Variants in CDH22 observed in about 807,000 individuals in gnomAD.
The protein encoded by CDH22 is cadherin 22.
In CDH22, 30 loss-of-function variants were observed where a neutral mutation model predicts 58.4. The ratio of observed to expected loss-of-function variants is 0.51; its 90% CI spans 0.38 to 0.70. CDH22 has a LOEUF of 0.70. Among genes scored for constraint, CDH22 ranks in the 30% least tolerant of loss-of-function variants. The probability of loss-of-function intolerance (pLI) is 0.00; values close to 1 mark genes in which losing one functional copy is unlikely to be tolerated. For missense variants in CDH22, 1,014 were observed against 1,233.9 expected (o/e 0.82, Z 2.67); for synonymous variants, 513 against 558.2 (o/e 0.92, Z 1.14).
At chr20:46,175,151 T>C in intron 11 of CDH22, 74 bp from the exon 12 acceptor site, 3 of 1,393,660 alleles carry the variant, frequency 2.2e-6, no homozygotes, top group Non-Finnish European at 2.9e-6. Flanking sequence ...CTACCCCATC[T>C]CCTCCCGCCT....
rs2085720764 is a variant in CDH22 at position 46,174,551 on chromosome 20, C to T, written c.2442G>A (p.Ala814=). ...SWGPRFRPLA[A]LYAGHRGDDE... is the part of the protein sequence containing the mutation. ...CGTCCCCGCGGTGGCCGGCGTAGAG[C>T]GCGGCCAGGGGCCGGAAGCGCGGAC... is the stretch of plus-strand genomic sequence containing the variant. Residue 814 remains alanine (A), a synonymous_variant, in exon 12 of 12, where the codon GCG becomes GCA. Transcript: ENST00000537909. This position sits in a 1 kb window ranked among gnomAD's most constrained non-coding sequence, Gnocchi z 4.4. 4.6e-6 allele frequency: 7 copies of T among 1,524,656 alleles called. No homozygotes were observed. Among genetic ancestry groups the T allele is most frequent in the Non-Finnish European group, 6.1e-6 (7 of 1,141,816 alleles). The allele number at this position is 1,524,656 out of a possible 1,614,324, so 94.4% of individuals were successfully genotyped here. A position where few individuals can be genotyped will look rare whatever the true frequency, so the allele number is the denominator to read the frequency against.
Position 46,223,666 on chromosome 20 carries a change from CTTCTTTCTTTCT to C in CDH22, c.670+3830_670+3841del, listed in dbSNP as rs369876048. 2.0e-3 allele frequency among the ~76,000 whole-genome samples: 226 copies of C among 115,610 alleles called. 2 individuals carry two copies. The highest frequency in any genetic ancestry group is 6.3e-3 in the South Asian group (20 of 3,190). The allele number at this position is 115,610 out of a possible 152,430, so 75.8% of individuals were successfully genotyped here. A position where few individuals can be genotyped will look rare whatever the true frequency, so the allele number is the denominator to read the frequency against. On this transcript the variant is annotated intron_variant, in intron 4 of 11. Transcript: ENST00000537909. ...CTTTCTTTCTCTTTCTTTTTCTTTC[CTTCTTTCTTTCT>C]TTCTTTCTTTCTTTCTTTCTTTCTT...
At chr20:46,247,729 C>G (rs80153488) in intron 2 of CDH22, among the ~76,000 whole-genome samples, 9,197 of 152,208 alleles carry the variant, frequency 0.06, 831 homozygotes, top group African/African-American at 0.2. Context: ...TGAGCCCACG[C>G]AGTACAGCTC....
chr20:46,186,527 T>C (rs2085826054), intron 10 of CDH22, 61 bp downstream of exon 10: 7 of 1,219,268 alleles, frequency 5.7e-6, no homozygotes, highest in South Asian at 5.1e-5. Flanking sequence ...GTCTATAATA[T>C]GGGAACAGGG....
intron 10 of CDH22, among the ~76,000 whole-genome samples, chr20:46,180,480 G>A (rs1455884656): frequency 6.6e-6 from 1 of 152,204 alleles, no homozygotes. Context: ...CCTTCTGCAG[G>A]GGAAGAAAGG....
intron 3 of CDH22, 98 bp from the exon 4 acceptor site, chr20:46,227,725 TCGGGAGACCTG>T (rs2086189382): frequency 6.7e-7 from 1 of 1,488,486 alleles, no homozygotes; most frequent in Admixed American, 2.1e-5. Flanking sequence ...GAGGAGACCC[TCGGGAGACCTG>T]CGGGAGGCCA....
chr20:46,291,564 G>A (rs1300056202), intron 1 of CDH22, among the ~76,000 whole-genome samples: 2 of 152,178 alleles, frequency 1.3e-5, no homozygotes, highest in Admixed American at 6.5e-5. Flanking sequence ...TTCCTCTGCC[G>A]TCGACATTCA....
At chr20:46,212,096 A>C (rs1192205440) in intron 6 of CDH22, among the ~76,000 whole-genome samples, 1 of 152,216 alleles carries the variant, frequency 6.6e-6, no homozygotes, top group Admixed American at 6.5e-5. Flanking sequence ...CAAGCCCTCA[A>C]TGCCAGGTAA....
intron 3 of CDH22, among the ~76,000 whole-genome samples, chr20:46,232,224 G>T (rs2086224691): frequency 6.6e-6 from 1 of 152,090 alleles, no homozygotes; most frequent in Non-Finnish European, 1.5e-5. Flanking sequence ...CCAGACTCAA[G>T]TTCCAGACCC....
At chr20:46,225,425 A>G (rs144345020) in intron 4 of CDH22, among the ~76,000 whole-genome samples, 3,583 of 152,344 alleles carry the variant, frequency 0.024, 84 homozygotes, top group African/African-American at 0.054. Flanking sequence ...TAATCTTCAA[A>G]ATGTATTGTT....
At chr20:46,254,817 G>A (rs1600718157) in intron 1 of CDH22, among the ~76,000 whole-genome samples, 1 of 152,132 alleles carries the variant, frequency 6.6e-6, no homozygotes, top group Non-Finnish European at 1.5e-5. Context: ...AGAAGGAGCT[G>A]TGCACAAAAT....
chr20:46,213,248 C>T, intron 5 of CDH22, 60 bp from the exon 6 acceptor site: 3 of 1,392,624 alleles, frequency 2.2e-6, no homozygotes, highest in Non-Finnish European at 3.0e-6. Context: ...CCTCTGCCAG[C>T]AGTGGGGGAG....
rs33937889 is a variant in CDH22, at chr20:46,178,586, C to CTTTTTTTTT, written c.1664-398_1664-390dup. The stretch of plus-strand genomic sequence containing the variant: ...GCCAAGGTCCTGTCCCTGGCGTTGT[C>CTTTTTTTTT]TTTTTTTTTTTTTTTTTTTTTGCCA... On this transcript the variant is annotated intron_variant, in intron 10 of 11. Coordinates refer to ENST00000537909, the MANE Select transcript of CDH22 (RefSeq NM_021248.3). Among the ~76,000 whole-genome samples, 318 of 95,324 alleles carry CTTTTTTTTT rather than the reference C, an allele frequency of 3.3e-3. 12 individuals carry two copies. Among genetic ancestry groups the CTTTTTTTTT allele is most frequent in the South Asian group, 0.014 (37 of 2,564 alleles). The allele number at this position is 95,324 out of a possible 152,430, so 62.5% of individuals were successfully genotyped here. A position where few individuals can be genotyped will look rare whatever the true frequency, so the allele number is the denominator to read the frequency against.
intron 3 of CDH22, among the ~76,000 whole-genome samples, chr20:46,233,394 C>T (rs1214377629): frequency 6.6e-6 from 1 of 152,218 alleles, no homozygotes; most frequent in East Asian, 1.9e-4. Flanking sequence ...TCTGTCCTCT[C>T]AACATTTACC....
intron 1 of CDH22, among the ~76,000 whole-genome samples, chr20:46,253,294 A>T (rs1461773781): frequency 6.6e-6 from 1 of 152,116 alleles, no homozygotes; most frequent in Non-Finnish European, 1.5e-5. Flanking sequence ...TCCTCCGGAA[A>T]ATCTTTATGG....
At chr20:46,228,682 C>T (rs908009046) in intron 3 of CDH22, among the ~76,000 whole-genome samples, 2 of 152,058 alleles carry the variant, frequency 1.3e-5, no homozygotes, top group African/African-American at 4.8e-5. Context: ...GTTCAGGATA[C>T]GACCCAAAGG....
intron 8 of CDH22, among the ~76,000 whole-genome samples, chr20:46,196,016 T>C (rs1374291903): frequency 6.6e-6 from 1 of 152,144 alleles, no homozygotes; most frequent in Non-Finnish European, 1.5e-5. Flanking sequence ...CTTCTGTTTT[T>C]GAGGAAGCCA....
intron 1 of CDH22, among the ~76,000 whole-genome samples, chr20:46,267,136 A>C (rs537374042): frequency 1.1e-4 from 17 of 152,198 alleles, no homozygotes; most frequent in African/African-American, 3.9e-4. Flanking sequence ...CTTGTCCAAG[A>C]TTACAGCCAG....
At chr20:46,215,032 G>A (rs946688123) in intron 5 of CDH22, among the ~76,000 whole-genome samples, 1 of 152,240 alleles carries the variant, frequency 6.6e-6, no homozygotes, top group Non-Finnish European at 1.5e-5. Context: ...ATCAAAGAAC[G>A]TGACAGTACC....
Sources: gnomAD v4.1 joint callset for allele counts (sites outside exome capture counted in the v4.1 genomes callset) on GRCh38, gnomAD v4.1.1 for gene constraint, Gnocchi (gnomAD v3.1) non-coding constraint, MANE v1.5 for transcripts, NCBI Gene and HGNC (gene_info 2026-07-23, HGNC 2026-07-21) for gene names.